ZZEF1: variants seen among roughly 807,000 people sequenced by gnomAD.
ZZEF1 encodes zinc finger ZZ-type and EF-hand domain-containing protein 1.
In ZZEF1, 157 loss-of-function variants were observed where a neutral mutation model predicts 342.8. The ratio of observed to expected loss-of-function variants is 0.46; its 90% CI spans 0.40 to 0.52. ZZEF1 has a LOEUF of 0.52. ZZEF1 is among the 20% of genes least tolerant of loss of function. ZZEF1 has a pLI of 0.00. For synonymous variants in ZZEF1, 1,505 were observed against 1,429.1 expected, an observed-to-expected ratio of 1.05 and a Z score of -1.20; for missense variants, 3,480 against 3,725.6, an observed-to-expected ratio of 0.93 and a Z score of 1.72.
At chr17:4,034,851 A>G (rs1700285699) in intron 39 of ZZEF1, among the ~76,000 whole-genome samples, 1 of 152,140 alleles carries the variant, frequency 6.6e-6, no homozygotes, top group African/African-American at 2.4e-5. Flanking sequence ...ACAAAAAATT[A>G]GCCAGGCATA....
Position 4,032,909 on chromosome 17 carries a change from T to A in ZZEF1, c.6678A>T (p.Thr2226=). 1 of 1,614,020 alleles carries A rather than the reference T, an allele frequency of 6.2e-7. No homozygotes were observed. The highest frequency in any genetic ancestry group is 8.5e-7 in the Non-Finnish European group (1 of 1,179,964). The change falls in exon 41 of 55, where the codon ACA becomes ACT. Residue 2226 remains threonine (T), a synonymous_variant. Transcript: ENST00000381638. ...ATGGCAGCTGCTTGATGCAGTGGTC[T>A]GTGAAGGTGGCAATGACATCACGCC... ...PLWRDVIATF[T]DHCIKQLPFQ... is the part of the protein sequence containing the mutation.
intron 11 of ZZEF1, among the ~76,000 whole-genome samples, chr17:4,092,299 CTTTT>C (rs367934690): frequency 1.7e-5 from 2 of 118,392 alleles, no homozygotes; most frequent in Admixed American, 9.4e-5. Context: ...AAACATGTCC[CTTTT>C]TTTTTTTTTT....
At chr17:4,063,442 T>C (rs2057325094) in intron 29 of ZZEF1, among the ~76,000 whole-genome samples, 1 of 152,218 alleles carries the variant, frequency 6.6e-6, no homozygotes, top group Non-Finnish European at 1.5e-5. Flanking sequence ...TCTCCCTGGG[T>C]TAAAATAAGA....
rs1292493423 is a variant in ZZEF1 at position 4,109,640 on chromosome 17, G to C, written c.1277+13C>G. The C allele has an allele frequency of 1.2e-6, 2 of 1,613,786 alleles. No individual in the cohort carries two copies. The highest frequency in any genetic ancestry group is 1.1e-5 in the South Asian group (1 of 91,064). On this transcript the variant is annotated intron_variant, in intron 6 of 54. Coordinates refer to ENST00000381638, the MANE Select transcript of ZZEF1 (RefSeq NM_015113.4). ...CATGTTGAGGGGGCTGGAACATAGA[G>C]AGAATGACTTACTGAGTATTGTGCA...
rs546970714 is a variant in ZZEF1, at chr17:4,008,629, G to A, written c.8805+254C>T. 1.7e-4 allele frequency: 210 copies of A among 1,200,286 alleles called. No individual in the cohort carries two copies. The African/African-American group carries it at 3.1e-3, about 18-fold the overall frequency. 74.4% of individuals were successfully genotyped at this position (1,200,286 alleles called of 1,614,324 possible). ...CAAGAATCAGCCAAACTAAATTTAA[G>A]GCATCGGTTGTTTTGGTTTTAAAGA... On this transcript the variant is annotated intron_variant, in intron 54 of 54. Transcript: ENST00000381638. This position sits in a 1 kb window ranked among gnomAD's most constrained non-coding sequence, Gnocchi z 4.2.
intron 1 of ZZEF1, among the ~76,000 whole-genome samples, chr17:4,126,390 C>G (rs2058574071): frequency 6.6e-6 from 1 of 152,090 alleles, no homozygotes; most frequent in South Asian, 2.1e-4. Context: ...CTCCCAAAAC[C>G]CACTAAGACA....
At chr17:4,031,597 T>C (rs2056549901) in intron 42 of ZZEF1, among the ~76,000 whole-genome samples, 1 of 152,166 alleles carries the variant, frequency 6.6e-6, no homozygotes, top group Non-Finnish European at 1.5e-5. Flanking sequence ...ATGCTGATGC[T>C]GAGTGAAAAT....
At chr17:4,044,053 G>A (rs937303470) in intron 38 of ZZEF1, among the ~76,000 whole-genome samples, 171 bp downstream of exon 38, 9 of 152,246 alleles carry the variant, frequency 5.9e-5, no homozygotes, top group African/African-American at 2.2e-4. Flanking sequence ...AGCAGTCAAA[G>A]TGAAGAAAGA....
intron 39 of ZZEF1, among the ~76,000 whole-genome samples, chr17:4,038,238 T>A (rs1428896693): frequency 6.6e-6 from 1 of 152,208 alleles, no homozygotes; most frequent in African/African-American, 2.4e-5. Context: ...AGAAACTGTT[T>A]GGCAGGGAGT....
At chr17:4,052,950 G>A (rs2057082120) in intron 34 of ZZEF1, among the ~76,000 whole-genome samples, 1 of 152,126 alleles carries the variant, frequency 6.6e-6, no homozygotes, top group South Asian at 2.1e-4. Context: ...GGGCTGCACT[G>A]GTCTCCTTCT....
chr17:4,077,279 C>G (rs1463276316), intron 19 of ZZEF1, among the ~76,000 whole-genome samples: 2 of 152,196 alleles, frequency 1.3e-5, no homozygotes, highest in African/African-American at 4.8e-5. Flanking sequence ...TCAGCCTCTC[C>G]TTTTCCTTCT....
At chr17:4,127,621 G>C (rs1335307404) in intron 1 of ZZEF1, among the ~76,000 whole-genome samples, 2 of 151,908 alleles carry the variant, frequency 1.3e-5, no homozygotes, top group Non-Finnish European at 2.9e-5. Context: ...CCCAATCTTG[G>C]CAGAAATCTG....
At chr17:4,029,092 A>G (rs1308903625) in intron 42 of ZZEF1, among the ~76,000 whole-genome samples, 1 of 152,256 alleles carries the variant, frequency 6.6e-6, no homozygotes, top group Non-Finnish European at 1.5e-5. Flanking sequence ...GAAGACTTGA[A>G]TAACATTATC....
chr17:4,137,590 C>T (rs1050834436), intron 1 of ZZEF1, among the ~76,000 whole-genome samples: 3 of 152,274 alleles, frequency 2.0e-5, no homozygotes, highest in Admixed American at 6.5e-5. Flanking sequence ...CCAGCCTGGG[C>T]AACAGAGACT....
chr17:4,068,003 A>T (rs1048047790), intron 26 of ZZEF1, among the ~76,000 whole-genome samples: 4 of 152,194 alleles, frequency 2.6e-5, no homozygotes, highest in African/African-American at 9.6e-5. Flanking sequence ...ACTTGAGACC[A>T]GGAATTCAAG....
In ZZEF1 at chr17:4,086,492, A is replaced by G. The variant is rs2057827628; in HGVS notation, c.2506T>C (p.Cys836Arg). ...EAAKELYTHL[C>R]DVVDKVDGDS... ...AGAAAACCCAAATCCCTACCATCAC[A>G]CAAGTGTGTGTACAGCTCCTTGGCA... The change falls in exon 15 of 55, where the codon TGT (cysteine) becomes CGT (arginine). Residue 836 changes from cysteine to arginine, a missense_variant. By Grantham distance (180) the Cys-to-Arg change is radical (BLOSUM62 -3). Coordinates refer to ENST00000381638, the MANE Select transcript of ZZEF1 (RefSeq NM_015113.4). 2 of 1,613,946 alleles carry G rather than the reference A, an allele frequency of 1.2e-6. No individual in the cohort carries two copies. Among genetic ancestry groups the G allele is most frequent in the South Asian group, 1.1e-5 (1 of 91,088 alleles).
In ZZEF1 at chr17:4,142,629, G is replaced by T; in HGVS notation, c.267C>A (p.Gly89=). 1 of 1,589,206 alleles carries T rather than the reference G, an allele frequency of 6.3e-7. No homozygotes were observed. The highest frequency in any genetic ancestry group is 8.5e-7 in the Non-Finnish European group (1 of 1,173,824). Residue 89 remains glycine, a synonymous_variant, in exon 1 of 55, where the codon GGC becomes GGA. Coordinates refer to ENST00000381638, the MANE Select transcript of ZZEF1 (RefSeq NM_015113.4). ...ALFRWLEERL[G]RGEESVTLEQ... ...CCAGAGTGACAGACTCTTCGCCGCG[G>T]CCCAGCCGCTCTTCCAGCCAGCGAA...
intron 39 of ZZEF1, among the ~76,000 whole-genome samples, chr17:4,037,813 G>C (rs2056708178): frequency 6.6e-6 from 1 of 152,118 alleles, no homozygotes; most frequent in African/African-American, 2.4e-5. Context: ...GAACTCCTGG[G>C]TTCAAGCAAC....
chr17:4,088,177 A>T (rs1193758820), intron 13 of ZZEF1, among the ~76,000 whole-genome samples: 2 of 152,204 alleles, frequency 1.3e-5, no homozygotes, highest in Non-Finnish European at 2.9e-5. Flanking sequence ...TGGCTGTAAG[A>T]ATCTTCCTTT....
Sources: allele counts gnomAD v4.1 joint callset (sites outside exome capture counted in the v4.1 genomes callset), GRCh38; gene constraint gnomAD v4.1.1; non-coding constraint Gnocchi (gnomAD v3.1); transcripts MANE v1.5; gene names NCBI Gene and HGNC (gene_info 2026-07-23, HGNC 2026-07-21).